The following HECW2 variants were observed in gnomAD, a reference collection of about 807,000 sequenced individuals.
HECW2 encodes the protein HECT, C2 and WW domain containing E3 ubiquitin protein ligase 2.
A neutral mutation model predicts 175.2 loss-of-function variants in HECW2; 61 were observed. The ratio of observed to expected loss-of-function variants is 0.35; its 90% confidence interval spans 0.28 to 0.43. The LOEUF is 0.43. HECW2 is among the 20% of genes least tolerant of loss of function. The probability of loss-of-function intolerance (pLI) is 1.00; values close to 1 mark genes in which losing one functional copy is unlikely to be tolerated. For missense variants in HECW2, 1,524 were observed against 2,000.5 expected (o/e 0.76, Z 4.54); for synonymous variants, 671 against 731.0 (o/e 0.92, Z 1.32).
chr2:196,272,116 A>G (rs572270456), intron 16 of HECW2, among the ~76,000 whole-genome samples: 1 of 152,288 alleles, frequency 6.6e-6, no homozygotes, highest in South Asian at 2.1e-4. Flanking sequence ...GCAGAACTCA[A>G]TTTGCCAAAA....
intron 1 of HECW2, among the ~76,000 whole-genome samples, chr2:196,540,575 C>T (rs530540254): frequency 6.6e-6 from 1 of 152,222 alleles, no homozygotes; most frequent in African/African-American, 2.4e-5. Context: ...TCCCAAGTAG[C>T]TGAGACTACA....
At chr2:196,277,941 A>G (rs1474905263) in intron 15 of HECW2, among the ~76,000 whole-genome samples, 1 of 119,980 alleles carries the variant, frequency 8.3e-6, no homozygotes, top group Non-Finnish European at 1.7e-5. Context: ...GAACACTTGG[A>G]CACAGGAAGG....
rs1002199704 is a variant in HECW2 at position 196,238,964 on chromosome 2, T to C, written c.3764+1485A>G. On this transcript the variant is annotated intron_variant, in intron 21 of 28. Coordinates refer to ENST00000644978, the MANE Select transcript of HECW2 (RefSeq NM_001348768.2). ...ATCTCAACAAACTCTGGTCCAACAA[T>C]GAAGGGAGGCAGCTGGAGTTCTGGG... 3.3e-5 allele frequency: 5 copies of C among 152,240 alleles called. No individual in the cohort carries two copies. The South Asian group carries it at 8.3e-4, about 25-fold the overall frequency. 9.4% of individuals were successfully genotyped at this position (152,240 alleles called of 1,614,324 possible).
At chr2:196,532,053 C>T (rs773682622) in intron 1 of HECW2, among the ~76,000 whole-genome samples, 6 of 152,200 alleles carry the variant, frequency 3.9e-5, no homozygotes, top group Admixed American at 6.5e-5. Context: ...TCTAACATTA[C>T]GATCTTCCCA....
intron 1 of HECW2, among the ~76,000 whole-genome samples, chr2:196,535,049 A>G (rs1346728803): frequency 7.3e-6 from 1 of 137,362 alleles, no homozygotes; most frequent in African/African-American, 3.2e-5. Context: ...TGTCAATATA[A>G]CAAAAAAAAA....
chr2:196,236,648 C>A (rs1392627552), intron 21 of HECW2, among the ~76,000 whole-genome samples: 1 of 152,140 alleles, frequency 6.6e-6, no homozygotes, highest in Non-Finnish European at 1.5e-5. Flanking sequence ...TCTTTGATGA[C>A]CTTGGGAGTA....
chr2:196,297,037 A>G (rs1205107833), intron 13 of HECW2, among the ~76,000 whole-genome samples: 1 of 152,228 alleles, frequency 6.6e-6, no homozygotes, highest in Non-Finnish European at 1.5e-5. Flanking sequence ...AAAGTAGGTT[A>G]GAGGAGAGCC....
In HECW2 at chr2:196,197,042, C is replaced by T. The variant is rs906899137; in HGVS notation, c.*4235G>A. ...GAGGTTGCAGTGAGCTCATGTGCCA[C>T]TGCACTCCAGCCTGGATGACAGAGC... On this transcript the variant is annotated 3_prime_UTR_variant, in exon 29 of 29. Transcript: ENST00000644978. 6.6e-6 allele frequency: 1 copy of T among 152,238 alleles called. No homozygotes were observed. The highest frequency in any genetic ancestry group is 1.5e-5 in the Non-Finnish European group (1 of 68,100). The allele number at this position is 152,238 out of a possible 1,614,324, so 9.4% of individuals were successfully genotyped here.
intron 2 of HECW2, among the ~76,000 whole-genome samples, chr2:196,368,819 T>C (rs1387268629): frequency 6.6e-6 from 1 of 152,130 alleles, no homozygotes; most frequent in Non-Finnish European, 1.5e-5. Context: ...TGCTTGACTC[T>C]TTTTAGTTAT....
intron 3 of HECW2, 101 bp from the exon 4 acceptor site, chr2:196,334,619 C>A: frequency 1.1e-6 from 1 of 900,544 alleles, no homozygotes; most frequent in South Asian, 1.6e-5. Context: ...GAATCCTACT[C>A]ATGACTCTGA....
chr2:196,323,005 A>C (rs1692005430), intron 6 of HECW2, among the ~76,000 whole-genome samples: 1 of 152,242 alleles, frequency 6.6e-6, no homozygotes, highest in Non-Finnish European at 1.5e-5. Flanking sequence ...ATTAACTAGT[A>C]TATTTGATTG....
At chr2:196,240,138 G>GTT in intron 21 of HECW2, 1 of 197,232 alleles carries the variant, frequency 5.1e-6, no homozygotes, top group Non-Finnish European at 1.0e-5. Context: ...GCAATTCCTT[G>GTT]TTTTTTTTCC....
At chr2:196,256,953 A>G (rs995209405) in intron 18 of HECW2, among the ~76,000 whole-genome samples, 3 of 152,268 alleles carry the variant, frequency 2.0e-5, no homozygotes, top group Non-Finnish European at 4.4e-5. Context: ...GGAGGTCAGA[A>G]ATATGGCAAC....
At chr2:196,509,533 G>A (rs1346855670) in intron 1 of HECW2, among the ~76,000 whole-genome samples, 1 of 152,144 alleles carries the variant, frequency 6.6e-6, no homozygotes. Context: ...AGCTACTAGG[G>A]GCTTCCAGGT....
At chr2:196,557,222 C>G (rs7355298) in intron 1 of HECW2, among the ~76,000 whole-genome samples, 9,394 of 152,014 alleles carry the variant, frequency 0.062, 1,001 homozygotes, top group African/African-American at 0.21. Context: ...ATGGTGAAAC[C>G]CCATCTCTAC....
At chr2:196,571,886 A>C (rs1395266109) in intron 1 of HECW2, among the ~76,000 whole-genome samples, 2 of 152,188 alleles carry the variant, frequency 1.3e-5, no homozygotes, top group African/African-American at 4.8e-5. Flanking sequence ...CAACCCAAGA[A>C]TCCATCAAGG....
intron 1 of HECW2, among the ~76,000 whole-genome samples, chr2:196,537,650 G>C (rs1386417301): frequency 6.6e-6 from 1 of 152,032 alleles, no homozygotes; most frequent in South Asian, 2.1e-4. Flanking sequence ...AGACTTGCTG[G>C]GCTGCATTCT....
chr2:196,507,277 C>T (rs1206243115), intron 1 of HECW2, among the ~76,000 whole-genome samples: 3 of 141,306 alleles, frequency 2.1e-5, no homozygotes, highest in Non-Finnish European at 4.7e-5. Flanking sequence ...ATATTCAAAA[C>T]CATTCATTAC....
chr2:196,502,434 A>T (rs896344263), intron 1 of HECW2, among the ~76,000 whole-genome samples: 3 of 152,220 alleles, frequency 2.0e-5, no homozygotes, highest in African/African-American at 7.2e-5. Flanking sequence ...ATAACTGAGG[A>T]CCCCTAAATT....
Sources: gnomAD v4.1 joint callset for allele counts (sites outside exome capture counted in the v4.1 genomes callset) on GRCh38, gnomAD v4.1.1 for gene constraint, MANE v1.5 for transcripts, NCBI Gene and HGNC (gene_info 2026-07-23, HGNC 2026-07-21) for gene names.